SEC31A: variants seen among roughly 807,000 people sequenced by gnomAD.
SEC31A encodes the protein protein transport protein Sec31A.
SEC31A carries 70 observed loss-of-function variants against 151.0 expected under a neutral mutation model. That is an observed-to-expected ratio of 0.46 (90% CI 0.38 to 0.57). The LOEUF is 0.57. Among genes scored for constraint, SEC31A ranks in the 20% least tolerant of loss-of-function variants. The probability of loss-of-function intolerance (pLI) is 0.00; values close to 1 mark genes in which losing one functional copy is unlikely to be tolerated. For missense variants in SEC31A, 1,330 were observed against 1,471.2 expected, an observed-to-expected ratio of 0.90 and a Z score of 1.57; for synonymous variants, 475 against 505.9, an observed-to-expected ratio of 0.94 and a Z score of 0.82.
chr4:82,867,167 T>C lies in SEC31A; in HGVS notation c.1032A>G (p.Lys344=), dbSNP rs1255024200. Residue 344 remains lysine, a synonymous_variant, in exon 9 of 27, where the codon AAA becomes AAG. Transcript: ENST00000395310. ...CACTTCCTATTACCTTGTCAACTTG[T>C]TTCTGTCTTAAACCATCTGTGCTAC... is the stretch of plus-strand genomic sequence containing the variant. ...MGGSTDGLRQ[K]QVDKLSSSFG... 1.2e-6 allele frequency: 2 copies of C among 1,613,346 alleles called. No homozygotes were observed. Among genetic ancestry groups the C allele is most frequent in the Non-Finnish European group, 8.5e-7 (1 of 1,179,502 alleles).
chr4:82,873,340 A>G (rs1014338492), intron 6 of SEC31A, among the ~76,000 whole-genome samples: 4 of 151,486 alleles, frequency 2.6e-5, no homozygotes, highest in African/African-American at 9.7e-5. Flanking sequence ...TGGGTGACAG[A>G]GTGAGAGTCC....
At chr4:82,855,626 C>T (rs1394134424) in intron 16 of SEC31A, among the ~76,000 whole-genome samples, 4 of 152,162 alleles carry the variant, frequency 2.6e-5, no homozygotes, top group Admixed American at 6.5e-5. Flanking sequence ...AGAATGAGAT[C>T]GTGTCCTTTG....
chr4:82,842,928 GTATCAAATATC>G (rs1729251189), intron 21 of SEC31A: 1 of 155,498 alleles, frequency 6.4e-6, no homozygotes, highest in African/African-American at 2.4e-5. Flanking sequence ...CTATTGTTAT[GTATCAAATATC>G]TTCTCCAACA....
upstream of SEC31A, chr4:82,894,201 C>G (rs1017354649): frequency 6.6e-6 from 1 of 152,234 alleles, no homozygotes; most frequent in Non-Finnish European, 1.5e-5. Context: ...CATTCAAAAG[C>G]TGTTGCCATG....
chr4:82,887,434 G>C (rs1422091584), intron 1 of SEC31A, among the ~76,000 whole-genome samples: 1 of 152,136 alleles, frequency 6.6e-6, no homozygotes, highest in Admixed American at 6.5e-5. Context: ...AAAGAAAATT[G>C]TGTGGGCTTG....
intron 20 of SEC31A, chr4:82,845,078 C>A (rs1729761809): frequency 4.9e-6 from 3 of 614,496 alleles, no homozygotes; most frequent in Middle Eastern, 3.9e-4. Context: ...CATTAAAATG[C>A]AATGAGCAGG....
chr4:82,891,920 A>T (rs1044741429), upstream of SEC31A, among the ~76,000 whole-genome samples: 3 of 152,238 alleles, frequency 2.0e-5, no homozygotes. Context: ...CTAAATTACC[A>T]GAAATTGGAT....
intron 24 of SEC31A, 53 bp from the exon 25 acceptor site, chr4:82,824,727 TA>T: frequency 6.3e-7 from 1 of 1,584,012 alleles, no homozygotes; most frequent in Non-Finnish European, 8.6e-7. Flanking sequence ...CTACCTTATA[TA>T]CACAATCTTG....
In SEC31A at chr4:82,864,611, G is replaced by A. The variant is rs1185066270; in HGVS notation, c.1198-13C>T. ...GTTTGCCTCCAAACTATAAAAGAGA[G>A]AATGAACAAACTCAGTGTTAACCCA... On this transcript the variant is annotated splice_polypyrimidine_tract_variant and intron_variant, in intron 10 of 26. Transcript: ENST00000395310. 6.2e-7 allele frequency: 1 copy of A among 1,609,770 alleles called. No individual in the cohort carries two copies. The highest frequency in any genetic ancestry group is 8.5e-7 in the Non-Finnish European group (1 of 1,177,156).
chr4:82,891,357 G>C, upstream of SEC31A: 1 of 632,882 alleles, frequency 1.6e-6, no homozygotes, highest in Non-Finnish European at 2.7e-6. Flanking sequence ...GGCGCTCTGC[G>C]GTCATCGCGC....
chr4:82,890,627 T>C (rs1578425037), intron 1 of SEC31A: 2 of 480,062 alleles, frequency 4.2e-6, no homozygotes, highest in Non-Finnish European at 5.5e-6. Flanking sequence ...TAAATGACAG[T>C]AGACGTCAGT....
At chr4:82,841,991 A>T in intron 22 of SEC31A, 149 bp downstream of exon 22, 1 of 632,828 alleles carries the variant, frequency 1.6e-6, no homozygotes, top group Non-Finnish European at 2.6e-6. Flanking sequence ...AACCAAACAA[A>T]CAAAAAACAC....
intron 22 of SEC31A, among the ~76,000 whole-genome samples, chr4:82,831,771 TGTAAGAATATACA>T (rs1365144582): frequency 6.6e-6 from 1 of 151,938 alleles, no homozygotes; most frequent in Non-Finnish European, 1.5e-5. Context: ...TGGTCTTTTC[TGTAAGAATATACA>T]GATTTATGAG....
At chr4:82,858,788 T>C (rs890324260) in intron 14 of SEC31A, among the ~76,000 whole-genome samples, 14 of 151,682 alleles carry the variant, frequency 9.2e-5, no homozygotes, top group Non-Finnish European at 1.8e-4. Context: ...CTGCAAACTC[T>C]GCCTCCTGGG....
chr4:82,825,728 T>C (rs145292153), intron 24 of SEC31A, among the ~76,000 whole-genome samples: 3 of 152,174 alleles, frequency 2.0e-5, no homozygotes, highest in South Asian at 4.1e-4. Flanking sequence ...AAATTAGAGA[T>C]GGATCAAAGT....
intron 16 of SEC31A, among the ~76,000 whole-genome samples, chr4:82,856,585 T>C (rs1732717663): frequency 6.6e-6 from 1 of 151,772 alleles, no homozygotes; most frequent in East Asian, 2.0e-4. Context: ...ACCCCATCTC[T>C]ACTAAAAATA....
chr4:82,841,058 CTT>C (rs1157701752), intron 22 of SEC31A, among the ~76,000 whole-genome samples: 3 of 152,110 alleles, frequency 2.0e-5, no homozygotes, highest in Admixed American at 1.3e-4. Flanking sequence ...AATTTTGACT[CTT>C]TTGTAATAAC....
At chr4:82,886,495 T>C (rs1740740307) in intron 1 of SEC31A, among the ~76,000 whole-genome samples, 1 of 152,206 alleles carries the variant, frequency 6.6e-6, no homozygotes, top group South Asian at 2.1e-4. Flanking sequence ...TTTGATAGGT[T>C]TGCTATTTTT....
At chr4:82,898,127 A>G (rs1436766193) in intron 3 of SEC31A, 3 of 152,218 alleles carry the variant, frequency 2.0e-5, no homozygotes, top group African/African-American at 7.2e-5. Context: ...AAATAACACT[A>G]TCTTTAATAC....
Sources: gnomAD v4.1 joint callset for allele counts (sites outside exome capture counted in the v4.1 genomes callset) on GRCh38, gnomAD v4.1.1 for gene constraint, MANE v1.5 for transcripts, NCBI Gene and HGNC (gene_info 2026-07-23, HGNC 2026-07-21) for gene names.